RB1: variants seen among roughly 807,000 people sequenced by gnomAD.
RB1 encodes retinoblastoma-associated protein.
RB1 carries 18 observed loss-of-function variants against 135.4 expected under a neutral mutation model. The observed-to-expected ratio is 0.13, with a 90% CI of 0.09 to 0.20. RB1 has a LOEUF of 0.20. RB1 is among the 10% of genes least tolerant of loss of function. The pLI is 1.00. For missense variants in RB1, 868 were observed against 1,110.0 expected (o/e 0.78, Z 3.10); for synonymous variants, 365 against 373.2 (o/e 0.98, Z 0.25).
In RB1 at chr13:48,360,039, T is replaced by A. The variant is rs1952625286; in HGVS notation, c.630T>A (p.Asp210Glu). 2 of 1,612,470 alleles carry A rather than the reference T, an allele frequency of 1.2e-6. No homozygotes were observed. The highest frequency in any genetic ancestry group is 1.7e-6 in the Non-Finnish European group (2 of 1,179,234). The change falls in exon 7 of 27, where the codon GAT becomes GAA. Residue 210 changes from aspartate to glutamate, a missense_variant. This residue lies in a region of RB1 where 641 missense variants were observed against 791.3 expected (regional missense o/e 0.81). Transcript: ENST00000267163. The stretch of plus-strand genomic sequence containing the variant: ...CAGGGGAAGTATTACAAATGGAAGA[T>A]GATCTGGTGATTTCATTTCAGTTAA... ...LAKGEVLQME[D>E]DLVISFQLML...
intron 17 of RB1, among the ~76,000 whole-genome samples, chr13:48,393,441 GT>G (rs1172288928): frequency 1.3e-5 from 2 of 152,084 alleles, no homozygotes; most frequent in African/African-American, 2.4e-5. Flanking sequence ...CTCACCATTT[GT>G]TTTCCTTCTC....
At chr13:48,434,110 G>C (rs1949158896) in intron 17 of RB1, among the ~76,000 whole-genome samples, 1 of 151,664 alleles carries the variant, frequency 6.6e-6, no homozygotes, top group Non-Finnish European at 1.5e-5. Context: ...TAATAGCTTT[G>C]TATTTTATTA....
intron 17 of RB1, among the ~76,000 whole-genome samples, chr13:48,391,012 A>G (rs1327087799): frequency 6.6e-6 from 1 of 151,678 alleles, no homozygotes; most frequent in Admixed American, 6.6e-5. Flanking sequence ...TTCATTTTCT[A>G]TTTGTCTCAT....
intron 17 of RB1, among the ~76,000 whole-genome samples, chr13:48,428,504 A>G (rs1455192443): frequency 6.6e-6 from 1 of 152,270 alleles, no homozygotes; most frequent in Non-Finnish European, 1.5e-5. Context: ...TGGAAGGGAC[A>G]AACATTGAAA....
intron 2 of RB1, chr13:48,318,464 C>T (rs1180127469): frequency 7.3e-7 from 1 of 1,360,578 alleles, no homozygotes; most frequent in South Asian, 1.3e-5. Flanking sequence ...CCTTCTCGTC[C>T]AGGTGCCTCA....
intron 26 of RB1, among the ~76,000 whole-genome samples, chr13:48,478,295 T>C (rs986293177): frequency 2.0e-5 from 3 of 152,334 alleles, no homozygotes; most frequent in Non-Finnish European, 4.4e-5. Flanking sequence ...ATGCTTTTTT[T>C]CTATGTATTT....
At chr13:48,473,586 G>T (rs1276321044) in intron 24 of RB1, among the ~76,000 whole-genome samples, 196 bp downstream of exon 24, 8 of 151,874 alleles carry the variant, frequency 5.3e-5, no homozygotes, top group Non-Finnish European at 1.2e-4. Flanking sequence ...CTCCTAATTG[G>T]TGAACTTCAA....
intron 17 of RB1, among the ~76,000 whole-genome samples, chr13:48,424,612 C>T (rs1035858667): frequency 6.6e-5 from 10 of 151,900 alleles, no homozygotes; most frequent in African/African-American, 1.4e-4. Context: ...TCTTTTTTTC[C>T]GAACTCTCTT....
chr13:48,446,637 A>G (rs1949289935), intron 17 of RB1, among the ~76,000 whole-genome samples: 1 of 152,168 alleles, frequency 6.6e-6, no homozygotes, highest in Non-Finnish European at 1.5e-5. Flanking sequence ...TTGAGGAGAT[A>G]TGTGAATAAT....
intron 12 of RB1, among the ~76,000 whole-genome samples, chr13:48,375,944 TA>T (rs1255440234): frequency 6.6e-6 from 1 of 151,954 alleles, no homozygotes; most frequent in Admixed American, 6.6e-5. Flanking sequence ...GTATAAAGGA[TA>T]AAAAATAGAA....
intron 7 of RB1, 188 bp downstream of exon 7, chr13:48,360,315 T>C: frequency 7.8e-7 from 1 of 1,278,644 alleles, no homozygotes; most frequent in Non-Finnish European, 1.0e-6. Context: ...TTAGAGTATA[T>C]GGTAGAAAGT....
intron 9 of RB1, among the ~76,000 whole-genome samples, chr13:48,366,954 A>G (rs1273364138): frequency 1.3e-5 from 2 of 152,028 alleles, no homozygotes; most frequent in Non-Finnish European, 2.9e-5. Flanking sequence ...CCCCGTCTCT[A>G]CTAAAAATAC....
intron 1 of RB1, among the ~76,000 whole-genome samples, chr13:48,305,903 A>G (rs1394051268): frequency 6.6e-6 from 1 of 152,200 alleles, no homozygotes; most frequent in Non-Finnish European, 1.5e-5. Flanking sequence ...TCTCTGGCCT[A>G]AGTAATGTAG....
At position 48,308,892 on chromosome 13, in the gene RB1, T is replaced by C. The variant is rs530357404; in HGVS notation, c.264+1486T>C. Reference sequence around the variant, plus strand: ...ATGTATAGTTACCTGTAGTTACACATAGTTTTGTATTTTCCTGTTTTTTTC... The same window carrying C: ...ATGTATAGTTACCTGTAGTTACACACAGTTTTGTATTTTCCTGTTTTTTTC... On this transcript the variant is annotated intron_variant, in intron 2 of 26. Coordinates refer to ENST00000267163, the MANE Select transcript of RB1 (RefSeq NM_000321.3). Among the ~76,000 whole-genome samples the C allele has an allele frequency of 4.6e-5, 7 of 152,256 alleles. No individual in the cohort carries two copies. In the East Asian group the frequency reaches 1.3e-3, roughly 29 times the overall value.
chr13:48,356,349 A>G (rs1952591590), intron 6 of RB1, among the ~76,000 whole-genome samples: 1 of 152,084 alleles, frequency 6.6e-6, no homozygotes, highest in Non-Finnish European at 1.5e-5. Context: ...AAATATAAAA[A>G]TTAATTTCAC....
In RB1 at chr13:48,367,495, T is replaced by C. The variant is rs780006952; in HGVS notation, c.941T>C (p.Val314Ala). ...GLVTSNGLPE[V>A]ENLSKRYEEI... ...TGTCAGTGACTTTTTTCTTTCAAGG[T>C]TGAAAATCTTTCTAAACGATACGAA... Residue 314 changes from valine to alanine, a missense_variant and splice_region_variant, in exon 10 of 27, where the codon GTT becomes GCT. Around this residue, in one of 3 missense-constraint regions of RB1, gnomAD observed 641 missense variants for 791.3 expected, o/e 0.81. Coordinates refer to ENST00000267163, the MANE Select transcript of RB1 (RefSeq NM_000321.3). 1 of 1,602,248 alleles carries C rather than the reference T, an allele frequency of 6.2e-7. No homozygotes were observed. The highest frequency in any genetic ancestry group is 1.3e-5 in the African/African-American group (1 of 74,702).
intron 19 of RB1, among the ~76,000 whole-genome samples, chr13:48,457,538 C>A (rs1239058814): frequency 1.3e-5 from 2 of 152,158 alleles, no homozygotes; most frequent in Admixed American, 1.3e-4. Context: ...CCACCCCCAG[C>A]CTTCAGGCGC....
At chr13:48,377,075 T>C (rs1952833765) in intron 13 of RB1, 41 bp downstream of exon 13, 4 of 1,572,766 alleles carry the variant, frequency 2.5e-6, no homozygotes, top group Non-Finnish European at 3.5e-6. Flanking sequence ...TATAGAGTAA[T>C]AATATTAAAA....
At chr13:48,458,332 T>A (rs1949374892) in intron 19 of RB1, among the ~76,000 whole-genome samples, 1 of 152,206 alleles carries the variant, frequency 6.6e-6, no homozygotes, top group African/African-American at 2.4e-5. Flanking sequence ...TGAGTGTCTG[T>A]GCATGCGTAT....
Sources: allele counts gnomAD v4.1 joint callset (sites outside exome capture counted in the v4.1 genomes callset), GRCh38; gene constraint gnomAD v4.1.1; regional missense constraint gnomAD v4.1.1; transcripts MANE v1.5; gene names NCBI Gene and HGNC (gene_info 2026-07-23, HGNC 2026-07-21).